NBEAL2: variants seen among roughly 807,000 people sequenced by gnomAD.
The protein encoded by NBEAL2 is neurobeachin like 2.
Under a neutral mutation model 299.8 loss-of-function variants are expected in NBEAL2, and 160 were observed. The observed-to-expected ratio is 0.53, with a 90% CI of 0.47 to 0.61. The LOEUF is 0.61. Among genes scored for constraint, NBEAL2 ranks in the 20% least tolerant of loss-of-function variants. The pLI is 0.00. For missense variants in NBEAL2, 3,112 were observed against 3,649.0 expected (o/e 0.85, Z 3.79); for synonymous variants, 1,493 against 1,542.3 (o/e 0.97, Z 0.75).
rs1273970631 is a variant in NBEAL2, at chr3:47,008,551, A to G, written c.7910A>G (p.Asn2637Ser). Residue 2637 changes from asparagine (N) to serine (S), a missense_variant, in exon 52 of 54, where the codon AAT becomes AGT. Transcript: ENST00000450053. ...TACTCCTTGCACCTGTATTCAGTCA[A>G]TGGGAAGTTGCGGGCTTCACTGCCC... ...VTYSLHLYSV[N>S]GKLRASLPLA... 2.5e-6 allele frequency: 4 copies of G among 1,613,736 alleles called. No individual in the cohort carries two copies. The highest frequency in any genetic ancestry group is 2.2e-5 in the East Asian group (1 of 44,886).
Position 47,004,039 on chromosome 3 carries a change from G to C in NBEAL2, c.5882-38G>C, listed in dbSNP as rs770968227. On this transcript the variant is annotated intron_variant, in intron 36 of 53. Coordinates refer to ENST00000450053, the MANE Select transcript of NBEAL2 (RefSeq NM_015175.3). The surrounding 1 kb of genome is among the most constrained non-coding windows in gnomAD (Gnocchi z 5.0). ...AATGGCTGAGCTCTGGGTGGGGCTG[G>C]GGTGAGTGACTCCCGTACCTGCTGT... 9 of 1,606,080 alleles carry C rather than the reference G, an allele frequency of 5.6e-6. No homozygotes were observed. The South Asian group carries it at 7.7e-5, about 14-fold the overall frequency.
chr3:47,007,460 T>C, intron 47 of NBEAL2, 65 bp from the exon 48 acceptor site: 2 of 1,565,352 alleles, frequency 1.3e-6, no homozygotes, highest in African/African-American at 1.4e-5. Context: ...CTGGCCAGGC[T>C]CCCTGAGGGC....
rs752967268 is a variant in NBEAL2, at chr3:46,988,918, G to T, written c.217G>T (p.Ala73Ser). 29 of 1,612,986 alleles carry T rather than the reference G, an allele frequency of 1.8e-5. No individual in the cohort carries two copies. The highest frequency in any genetic ancestry group is 2.0e-5 in the Non-Finnish European group (24 of 1,179,398). Reference sequence around the variant, plus strand: ...TGTGCTGGCCGAACAGCTGCACCAGGCTGACCTGGAGCAAGCCCTCCTGCT... The same window carrying T: ...TGTGCTGGCCGAACAGCTGCACCAGTCTGACCTGGAGCAAGCCCTCCTGCT... ...LHVLAEQLHQ[A>S]DLEQALLLLK... The change falls in exon 3 of 54, where the codon GCT becomes TCT. Residue 73 changes from alanine (A) to serine (S), a missense_variant. Ala to Ser is a moderately conservative substitution (Grantham distance 99). This residue lies in a region of NBEAL2 where 2,243 missense variants were observed against 2,538.1 expected (regional missense o/e 0.88). Transcript: ENST00000450053. This position sits in a 1 kb window ranked among gnomAD's most constrained non-coding sequence, Gnocchi z 4.4.
Position 46,989,507 on chromosome 3 carries a change from C to T in NBEAL2, c.474-4C>T, listed in dbSNP as rs375726193. 1.6e-4 allele frequency: 251 copies of T among 1,587,736 alleles called. No individual in the cohort carries two copies. In the Middle Eastern group the frequency reaches 4.6e-3, roughly 29 times the overall value. On this transcript the variant is annotated splice_region_variant and splice_polypyrimidine_tract_variant and intron_variant, in intron 5 of 53. Coordinates refer to ENST00000450053, the MANE Select transcript of NBEAL2 (RefSeq NM_015175.3). This position sits in a 1 kb window ranked among gnomAD's most constrained non-coding sequence, Gnocchi z 5.5. ...GCTGATGTACTTGGCCTCACTGCCC[C>T]CAGGGAAGTCATCAGCTCCAAGGAG...
rs1470393037 is a variant in NBEAL2 at position 47,002,703 on chromosome 3, C to T, written c.5360C>T (p.Ala1787Val). Residue 1787 changes from alanine (A) to valine (V), a missense_variant, in exon 33 of 54, where the codon GCA becomes GTA. Ala to Val is a moderately conservative substitution (Grantham distance 64, BLOSUM62 0). Coordinates refer to ENST00000450053, the MANE Select transcript of NBEAL2 (RefSeq NM_015175.3). ...RARLEGLRYT[A>V]VLKQQATQHS... ...CGCCTGGAGGGGCTACGCTACACGG[C>T]AGTGCTGAAGCAGCAGGCAACGCAG... The T allele has an allele frequency of 1.2e-6, 2 of 1,602,022 alleles. No homozygotes were observed. The highest frequency in any genetic ancestry group is 1.3e-5 in the African/African-American group (1 of 74,860).
intron 12 of NBEAL2, 96 bp from the exon 13 acceptor site, chr3:46,994,936 C>T (rs2036372080): frequency 3.4e-6 from 5 of 1,449,412 alleles, no homozygotes; most frequent in Admixed American, 2.5e-5. Flanking sequence ...GATCATGTTG[C>T]TGACTGCTGC....
intron 20 of NBEAL2, among the ~76,000 whole-genome samples, 182 bp downstream of exon 20, chr3:46,997,876 G>A (rs918271472): frequency 2.0e-5 from 3 of 152,372 alleles, no homozygotes; most frequent in African/African-American, 7.2e-5. Flanking sequence ...AGCACAGGTC[G>A]GGGCAGGGAC....
At chr3:46,997,828 C>A in intron 20 of NBEAL2, 134 bp downstream of exon 20, 1 of 1,318,428 alleles carries the variant, frequency 7.6e-7, no homozygotes, top group Non-Finnish European at 1.0e-6. Context: ...CCTGAAAGGC[C>A]GAGCAGGGTT....
rs2035812631 is a variant in NBEAL2, at chr3:46,988,169, A to C, written c.52-500A>C. On this transcript the variant is annotated intron_variant, in intron 1 of 53. Transcript: ENST00000450053. This position sits in a 1 kb window ranked among gnomAD's most constrained non-coding sequence, Gnocchi z 4.4. ...TCTGGGTCTGCCTGTCTAATGGTAC[A>C]CGTGTGTCCTGGGATCCACAGTTAA... 1 of 936,868 alleles carries C rather than the reference A, an allele frequency of 1.1e-6. No homozygotes were observed. The highest frequency in any genetic ancestry group is 1.4e-6 in the Non-Finnish European group (1 of 720,274). 58.0% of individuals were successfully genotyped at this position (936,868 alleles called of 1,614,324 possible).
At chr3:46,983,216 C>A (rs1480437256) in intron 1 of NBEAL2, among the ~76,000 whole-genome samples, 1 of 152,076 alleles carries the variant, frequency 6.6e-6, no homozygotes, top group Non-Finnish European at 1.5e-5. Context: ...CCTACACTTC[C>A]CTGAGAGTTC....
rs754088812 is a variant in NBEAL2 at position 46,991,568 on chromosome 3, C to T, written c.805C>T (p.Arg269Cys). 2.7e-5 allele frequency: 43 copies of T among 1,603,720 alleles called. No homozygotes were observed. Among genetic ancestry groups the T allele is most frequent in the Non-Finnish European group, 2.7e-5 (32 of 1,179,826 alleles). ...CTTGCATGCCAGCCGCGCACCTCCT[C>T]GTGGCCCAGAGCTTCGTGCCCTGCT... ...HVLHASRAPP[R>C]GPELRALLES... is the part of the protein sequence containing the mutation. The change falls in exon 8 of 54, where the codon CGT becomes TGT. Residue 269 changes from arginine to cysteine, a missense_variant. Arg to Cys is a radical substitution (Grantham distance 180). Transcript: ENST00000450053. This position sits in a 1 kb window ranked among gnomAD's most constrained non-coding sequence, Gnocchi z 6.2.
chr3:46,999,017 C>T lies in NBEAL2; in HGVS notation c.3443C>T (p.Ser1148Phe). Residue 1148 changes from serine (S) to phenylalanine (F), a missense_variant, in exon 24 of 54, where the codon TCC (serine) becomes TTC (phenylalanine). Ser to Phe is a radical substitution (Grantham distance 155). This residue lies in a region of NBEAL2 where 2,243 missense variants were observed against 2,538.1 expected (regional missense o/e 0.88). Transcript: ENST00000450053. ...ALLHGSLVQESLAVFLLEPGN... is the reference protein window; with the variant it reads ...ALLHGSLVQEFLAVFLLEPGN... ...CTGCACGGTTCCCTGGTGCAGGAGT[C>T]CTTGGCTGTCTTTCTGTTGGAGCCA... 6.2e-7 allele frequency: 1 copy of T among 1,604,966 alleles called. No homozygotes were observed. The highest frequency in any genetic ancestry group is 8.5e-7 in the Non-Finnish European group (1 of 1,176,120).
At chr3:46,987,725 A>T (rs1349799199) in intron 1 of NBEAL2, among the ~76,000 whole-genome samples, 2 of 152,130 alleles carry the variant, frequency 1.3e-5, no homozygotes, top group Non-Finnish European at 2.9e-5. Flanking sequence ...CCTCACCTGG[A>T]TAAGAGCTCT....
At chr3:47,005,919 C>A in intron 42 of NBEAL2, 27 bp from the exon 43 acceptor site, 1 of 1,612,596 alleles carries the variant, frequency 6.2e-7, no homozygotes, top group East Asian at 2.2e-5. Flanking sequence ...GCTGTCCCTG[C>A]ACTGATTGCT....
chr3:46,988,512 C>T lies in NBEAL2; in HGVS notation c.52-157C>T, dbSNP rs1263896937. ...CCTGCCCTCCCTCCCCCGTCCCCCA[C>T]TCCCCTTCTCCACACCCTCCACTCT... On this transcript the variant is annotated intron_variant, in intron 1 of 53. Transcript: ENST00000450053. The surrounding 1 kb of genome is among the most constrained non-coding windows in gnomAD (Gnocchi z 4.4). Among the ~76,000 whole-genome samples, 1 of 151,558 alleles carries T rather than the reference C, an allele frequency of 6.6e-6. No individual in the cohort carries two copies. The highest frequency in any genetic ancestry group is 2.4e-5 in the African/African-American group (1 of 41,190).
In NBEAL2 at chr3:46,979,877, C is replaced by T; in HGVS notation, c.16C>T (p.Arg6Trp). 1 of 469,550 alleles carries T rather than the reference C, an allele frequency of 2.1e-6. No homozygotes were observed. Among genetic ancestry groups the T allele is most frequent in the Non-Finnish European group, 3.8e-6 (1 of 260,000 alleles). The allele number at this position is 469,550 out of a possible 1,614,324, so 29.1% of individuals were successfully genotyped here. MAASE[R>W]LYELWLLYYA... ...GGGCCGGGCCATGGCCGCCTCGGAGCGGCTGTACGAGTTGTGGCTGCTCTA... is the reference window on the plus strand; with the variant it reads ...GGGCCGGGCCATGGCCGCCTCGGAGTGGCTGTACGAGTTGTGGCTGCTCTA... The change falls in exon 1 of 54, where the codon CGG (arginine) becomes TGG (tryptophan). Residue 6 changes from arginine to tryptophan, a missense_variant. Coordinates refer to ENST00000450053, the MANE Select transcript of NBEAL2 (RefSeq NM_015175.3).
Position 46,984,150 on chromosome 3 carries a change from A to ATAC in NBEAL2, c.51+4238_51+4239insTAC, listed in dbSNP as rs1553655127. Among the ~76,000 whole-genome samples, 27 of 146,838 alleles carry ATAC rather than the reference A, an allele frequency of 1.8e-4. 1 individual carries two copies. The highest frequency in any genetic ancestry group is 1.4e-4 in the Admixed American group (2 of 14,814). ...CCCATCTCTACTAAAAAAAAAAAAA[A>ATAC]AAAAAATTAGCCAGGCGTGATGGCG... On this transcript the variant is annotated intron_variant, in intron 1 of 53. Transcript: ENST00000450053.
In NBEAL2 at chr3:47,008,939, C is replaced by CA. The variant is rs1428957264; in HGVS notation, c.8028-47dup. ...TGGGATAAGGGATATCTGCTGGTCG[C>CA]AAAGCCCCCTTGCAGTCGCAAGTTG... On this transcript the variant is annotated intron_variant, in intron 52 of 53. Transcript: ENST00000450053. The CA allele has an allele frequency of 1.9e-6, 3 of 1,597,628 alleles. No homozygotes were observed. The South Asian group carries it at 3.3e-5, about 18-fold the overall frequency.
In NBEAL2 at chr3:47,008,173, T is replaced by C; in HGVS notation, c.7706T>C (p.Val2569Ala). The C allele has an allele frequency of 6.2e-7, 1 of 1,613,964 alleles. No homozygotes were observed. Among genetic ancestry groups the C allele is most frequent in the Non-Finnish European group, 8.5e-7 (1 of 1,179,854 alleles). ...VAISTELDMA[V>A]SGSEDGTVII... ...ATCAGCACTGAACTTGACATGGCTG[T>C]GTCTGGATCTGAGGTGTGTGTATGC... is the stretch of plus-strand genomic sequence containing the variant. Residue 2569 changes from valine (V) to alanine (A), a missense_variant, in exon 50 of 54, where the codon GTG becomes GCG. This residue lies in a region of NBEAL2 where 348 missense variants were observed against 381.4 expected (regional missense o/e 0.91). Transcript: ENST00000450053.
Sources: gnomAD v4.1 joint callset for allele counts (sites outside exome capture counted in the v4.1 genomes callset) on GRCh38, gnomAD v4.1.1 for gene constraint, gnomAD v4.1.1 regional missense constraint, Gnocchi (gnomAD v3.1) non-coding constraint, MANE v1.5 for transcripts, NCBI Gene and HGNC (gene_info 2026-07-23, HGNC 2026-07-21) for gene names.